PIP4K2A: variants seen among roughly 807,000 people sequenced by gnomAD.
The protein encoded by PIP4K2A is phosphatidylinositol-5-phosphate 4-kinase type 2 alpha.
In PIP4K2A, 14 loss-of-function variants were observed where a neutral mutation model predicts 42.9. The observed-to-expected ratio is 0.33, with a 90% CI of 0.22 to 0.51. The LOEUF is 0.51. PIP4K2A is among the 20% of genes least tolerant of loss of function. The pLI is 0.97. For missense variants in PIP4K2A, 434 were observed against 519.8 expected (o/e 0.83, Z 1.61); for synonymous variants, 192 against 192.2 (o/e 1.00, Z 0.01).
chr10:22,664,130 C>CATATATATATACATATATATACACATAT (rs1839282983), intron 1 of PIP4K2A, among the ~76,000 whole-genome samples: 1 of 40,216 alleles, frequency 2.5e-5, no homozygotes, highest in Non-Finnish European at 4.0e-5. Context: ...TATATATATA[C>CATATATATATACATATATATACACATAT]ATATATATAT....
intron 9 of PIP4K2A, among the ~76,000 whole-genome samples, chr10:22,538,201 A>G (rs554894656): frequency 1.3e-5 from 2 of 152,340 alleles, no homozygotes; most frequent in Admixed American, 6.5e-5. Flanking sequence ...GAATGCAGAG[A>G]GAATGGTCCC....
At chr10:22,689,596 G>C (rs1839821860) in intron 1 of PIP4K2A, among the ~76,000 whole-genome samples, 1 of 152,158 alleles carries the variant, frequency 6.6e-6, no homozygotes, top group Non-Finnish European at 1.5e-5. Context: ...ATGCCATTTT[G>C]TATCAGGGAC....
intron 1 of PIP4K2A, among the ~76,000 whole-genome samples, chr10:22,614,525 ACTT>A: frequency 6.6e-6 from 1 of 152,140 alleles, no homozygotes; most frequent in East Asian, 1.9e-4. Flanking sequence ...CCCCCAGAAA[ACTT>A]CTTCGTCAGG....
At position 22,555,889 on chromosome 10, in the gene PIP4K2A, G is replaced by A. The variant is rs112648511; in HGVS notation, c.679-5117C>T. Among the ~76,000 whole-genome samples the A allele has an allele frequency of 5.7e-5, 6 of 105,686 alleles. 1 individual carries two copies. Among genetic ancestry groups the A allele is most frequent in the African/African-American group, 1.7e-4 (5 of 28,696 alleles). 69.3% of individuals were successfully genotyped at this position (105,686 alleles called of 152,430 possible). A position where few individuals can be genotyped will look rare whatever the true frequency, so the allele number is the denominator to read the frequency against. On this transcript the variant is annotated intron_variant, in intron 6 of 9. Coordinates refer to ENST00000376573, the MANE Select transcript of PIP4K2A (RefSeq NM_005028.5). ...GAATCAGTGAACACTAATGAGAGCT[G>A]ATGAGCTTAAAAAAAAAAAAAAAAT...
At chr10:22,690,501 T>A (rs892188446) in intron 1 of PIP4K2A, among the ~76,000 whole-genome samples, 2 of 152,218 alleles carry the variant, frequency 1.3e-5, no homozygotes, top group Non-Finnish European at 2.9e-5. Context: ...CTAAATAAAA[T>A]TTTGAAAAGT....
intron 1 of PIP4K2A, among the ~76,000 whole-genome samples, chr10:22,650,227 C>G (rs1156363295): frequency 2.0e-5 from 3 of 152,168 alleles, no homozygotes; most frequent in African/African-American, 4.8e-5. Context: ...GAAGGTTTTA[C>G]AGTCATATCA....
chr10:22,686,917 G>A (rs889898169), intron 1 of PIP4K2A, among the ~76,000 whole-genome samples: 6 of 152,130 alleles, frequency 3.9e-5, no homozygotes, highest in Admixed American at 1.3e-4. Context: ...ATTTAGGGCC[G>A]TCTGTTATGA....
At chr10:22,604,252 CTT>C (rs1252202926) in intron 3 of PIP4K2A, among the ~76,000 whole-genome samples, 1 of 152,050 alleles carries the variant, frequency 6.6e-6, no homozygotes, top group Non-Finnish European at 1.5e-5. Flanking sequence ...ATCTTAAAAA[CTT>C]TTTAAGAAGT....
At chr10:22,631,266 A>G (rs1838540095) in intron 1 of PIP4K2A, among the ~76,000 whole-genome samples, 1 of 152,088 alleles carries the variant, frequency 6.6e-6, no homozygotes, top group Non-Finnish European at 1.5e-5. Flanking sequence ...TGCAACCCTA[A>G]CCTCGAGTGT....
intron 4 of PIP4K2A, among the ~76,000 whole-genome samples, chr10:22,588,506 G>C (rs1420004766): frequency 1.3e-5 from 2 of 152,074 alleles, no homozygotes; most frequent in South Asian, 2.1e-4. Flanking sequence ...CTCATTCCAG[G>C]CTCCATTTTG....
intron 1 of PIP4K2A, among the ~76,000 whole-genome samples, chr10:22,707,093 G>C (rs1833836247): frequency 6.6e-6 from 1 of 152,100 alleles, no homozygotes; most frequent in Non-Finnish European, 1.5e-5. Flanking sequence ...GACCAGCCTG[G>C]CCAATACAGC....
intron 1 of PIP4K2A, among the ~76,000 whole-genome samples, chr10:22,685,583 A>T (rs1316488826): frequency 6.6e-6 from 1 of 152,130 alleles, no homozygotes; most frequent in Admixed American, 6.5e-5. Context: ...GCATGGTGGC[A>T]TGTGCCTTTA....
In PIP4K2A at chr10:22,664,077, G is replaced by GTATA. The variant is rs1258845687; in HGVS notation, c.144+50102_144+50105dup. Among the ~76,000 whole-genome samples, 37 of 37,732 alleles carry GTATA rather than the reference G, an allele frequency of 9.8e-4. 1 individual carries two copies. The highest frequency in any genetic ancestry group is 4.0e-3 in the East Asian group (8 of 1,988). 24.8% of individuals were successfully genotyped at this position (37,732 alleles called of 152,430 possible). A position where few individuals can be genotyped will look rare whatever the true frequency, so the allele number is the denominator to read the frequency against. The stretch of plus-strand genomic sequence containing the variant: ...TGTATATATACATATATATATATAC[G>GTATA]TATATATATATACATATATATATAT... On this transcript the variant is annotated intron_variant, in intron 1 of 9. Coordinates refer to ENST00000376573, the MANE Select transcript of PIP4K2A (RefSeq NM_005028.5).
At chr10:22,657,921 T>C (rs926029555) in intron 1 of PIP4K2A, among the ~76,000 whole-genome samples, 2 of 152,230 alleles carry the variant, frequency 1.3e-5, no homozygotes, top group Non-Finnish European at 2.9e-5. Context: ...ACTAATGCTA[T>C]TGTGAAATCA....
intron 1 of PIP4K2A, among the ~76,000 whole-genome samples, chr10:22,679,943 G>A (rs1839628139): frequency 6.6e-6 from 1 of 151,850 alleles, no homozygotes; most frequent in South Asian, 2.1e-4. Flanking sequence ...GATTGAGAAT[G>A]GTTATACAAC....
At chr10:22,713,962 C>T in intron 1 of PIP4K2A, 1 of 420,432 alleles carries the variant, frequency 2.4e-6, no homozygotes, top group Non-Finnish European at 4.3e-6. Context: ...CGACCCGCAC[C>T]GGGCCATAGA....
intron 1 of PIP4K2A, among the ~76,000 whole-genome samples, chr10:22,616,113 G>A (rs1023835955): frequency 7.2e-5 from 11 of 152,210 alleles, no homozygotes; most frequent in African/African-American, 1.9e-4. Flanking sequence ...TAGAAACAGG[G>A]TCAAACGGGG....
At chr10:22,641,023 A>T (rs890622282) in intron 1 of PIP4K2A, among the ~76,000 whole-genome samples, 1 of 152,252 alleles carries the variant, frequency 6.6e-6, no homozygotes, top group Non-Finnish European at 1.5e-5. Flanking sequence ...TACATTATCA[A>T]GCCTTATCAG....
chr10:22,644,393 T>C (rs1838838854), intron 1 of PIP4K2A, among the ~76,000 whole-genome samples: 2 of 152,202 alleles, frequency 1.3e-5, no homozygotes, highest in Admixed American at 6.5e-5. Flanking sequence ...GGCTTATCAG[T>C]TCCACACCTT....
Sources: gnomAD v4.1 joint callset for allele counts (sites outside exome capture counted in the v4.1 genomes callset) on GRCh38, gnomAD v4.1.1 for gene constraint, MANE v1.5 for transcripts, NCBI Gene and HGNC (gene_info 2026-07-23, HGNC 2026-07-21) for gene names.